RAB1A: variants seen among roughly 807,000 people sequenced by gnomAD.
RAB1A encodes RAB1A, member RAS oncogene family.
A neutral mutation model predicts 26.0 loss-of-function variants in RAB1A; 2 were observed. That is an observed-to-expected ratio of 0.08 (90% CI 0.03 to 0.24). The LOEUF (loss-of-function observed/expected upper bound fraction) is 0.24, where lower values mean the gene tolerates loss of function less well. Ranked by LOEUF, RAB1A falls within the 10% of genes least tolerant of loss-of-function variation. The probability of loss-of-function intolerance (pLI) is 1.00; values close to 1 mark genes in which losing one functional copy is unlikely to be tolerated. For synonymous variants in RAB1A, 84 were observed against 84.9 expected (o/e 0.99, Z 0.06); for missense variants, 100 against 247.0 (o/e 0.40, Z 3.99).
intron 1 of RAB1A, among the ~76,000 whole-genome samples, chr2:65,123,757 C>T (rs1418782577): frequency 1.3e-5 from 2 of 151,618 alleles, no homozygotes; most frequent in Non-Finnish European, 2.9e-5. Flanking sequence ...ACCTGGAAGG[C>T]GGAGGTTGCA....
intron 1 of RAB1A, among the ~76,000 whole-genome samples, chr2:65,126,487 T>G (rs1301936313): frequency 6.6e-6 from 1 of 152,124 alleles, no homozygotes; most frequent in Non-Finnish European, 1.5e-5. Flanking sequence ...CTACCAACTC[T>G]TATGTAAACC....
intron 1 of RAB1A, among the ~76,000 whole-genome samples, chr2:65,108,356 CAA>C (rs777981281): frequency 2.9e-4 from 15 of 51,562 alleles, no homozygotes; most frequent in Non-Finnish European, 5.4e-4. Context: ...AACTCCATCT[CAA>C]AAAAAAAAAA....
chr2:65,101,341 G>A (rs975222183), intron 2 of RAB1A, among the ~76,000 whole-genome samples: 1 of 152,076 alleles, frequency 6.6e-6, no homozygotes, highest in African/African-American at 2.4e-5. Flanking sequence ...GCAATACTGA[G>A]TGTCCAAACA....
intron 1 of RAB1A, among the ~76,000 whole-genome samples, chr2:65,123,570 A>G (rs1275255531): frequency 1.3e-5 from 2 of 152,064 alleles, no homozygotes; most frequent in African/African-American, 2.4e-5. Flanking sequence ...CGTGGCTCAC[A>G]CAAGTAATCC....
At chr2:65,128,322 C>G (rs1399883317) in intron 1 of RAB1A, among the ~76,000 whole-genome samples, 1 of 152,008 alleles carries the variant, frequency 6.6e-6, no homozygotes, top group Non-Finnish European at 1.5e-5. Context: ...CAGAAAATTT[C>G]CTGAACAGTA....
chr2:65,121,642 C>T (rs1669966262), intron 1 of RAB1A, among the ~76,000 whole-genome samples: 1 of 152,170 alleles, frequency 6.6e-6, no homozygotes, highest in South Asian at 2.1e-4. Flanking sequence ...TAATCTGCAA[C>T]ACTCCCAGGG....
intron 3 of RAB1A, among the ~76,000 whole-genome samples, chr2:65,092,843 G>A (rs1163581326): frequency 2.6e-5 from 4 of 152,178 alleles, no homozygotes; most frequent in Admixed American, 6.5e-5. Flanking sequence ...ATGGAGAAGT[G>A]ATTGGATTAT....
In RAB1A at chr2:65,121,303, T is replaced by C. The variant is rs551707857; in HGVS notation, c.23+8590A>G. 2.0e-5 allele frequency among the ~76,000 whole-genome samples: 3 copies of C among 151,222 alleles called. No homozygotes were observed. The South Asian group carries it at 6.3e-4, about 32-fold the overall frequency. On this transcript the variant is annotated intron_variant, in intron 1 of 5. Transcript: ENST00000409784. ...AGTAAGTGCTAAATAGCACCTAGTA[T>C]TATTAAAAAGTGATGTTTCCAAAAG...
At chr2:65,124,092 T>C (rs1243691107) in intron 1 of RAB1A, among the ~76,000 whole-genome samples, 2 of 151,804 alleles carry the variant, frequency 1.3e-5, no homozygotes, top group African/African-American at 4.8e-5. Context: ...ATTCAAGCGA[T>C]TCTCTTGTCT....
chr2:65,093,056 T>A (rs1478941614), intron 3 of RAB1A, among the ~76,000 whole-genome samples: 3 of 152,166 alleles, frequency 2.0e-5, no homozygotes, highest in Non-Finnish European at 2.9e-5. Context: ...ACCTTTTTTT[T>A]AATAAATCAC....
At chr2:65,105,559 T>A (rs1188898553) in intron 1 of RAB1A, among the ~76,000 whole-genome samples, 1 of 148,546 alleles carries the variant, frequency 6.7e-6, no homozygotes, top group Non-Finnish European at 1.5e-5. Flanking sequence ...TCAAATAATT[T>A]CATAGCACTC....
At chr2:65,090,405 A>G (rs940930973) in intron 4 of RAB1A, among the ~76,000 whole-genome samples, 1 of 152,190 alleles carries the variant, frequency 6.6e-6, no homozygotes, top group African/African-American at 2.4e-5. Context: ...GTAACAAAAA[A>G]AGTTATGGCC....
chr2:65,106,395 CTTA>C (rs748243332), intron 1 of RAB1A: 3 of 339,046 alleles, frequency 8.8e-6, no homozygotes, highest in Admixed American at 4.4e-5. Context: ...AGACATAAAA[CTTA>C]TTTTTTTTGT....
At chr2:65,118,945 T>C (rs774291364) in intron 1 of RAB1A, among the ~76,000 whole-genome samples, 6 of 151,922 alleles carry the variant, frequency 3.9e-5, no homozygotes, top group Admixed American at 1.3e-4. Flanking sequence ...TCCCAGCACG[T>C]TGGGAGGTCA....
chr2:65,124,649 T>C (rs746884355), intron 1 of RAB1A, among the ~76,000 whole-genome samples: 3 of 152,078 alleles, frequency 2.0e-5, no homozygotes, highest in African/African-American at 2.4e-5. Context: ...GGTTTTGCCA[T>C]GTTGGCCAGG....
At chr2:65,101,618 A>G (rs1669429118) in intron 2 of RAB1A, among the ~76,000 whole-genome samples, 1 of 151,932 alleles carries the variant, frequency 6.6e-6, no homozygotes, top group South Asian at 2.1e-4. Flanking sequence ...AATTATGCTT[A>G]ATTTTAATAT....
chr2:65,112,253 T>C, intron 1 of RAB1A, among the ~76,000 whole-genome samples: 1 of 151,432 alleles, frequency 6.6e-6, no homozygotes, highest in Non-Finnish European at 1.5e-5. Context: ...GTTCAAGCGA[T>C]TCACCTGCCT....
In RAB1A at chr2:65,093,107, T is replaced by A. The variant is rs149986094; in HGVS notation, c.193-2029A>T. Among the ~76,000 whole-genome samples, 418 of 152,282 alleles carry A rather than the reference T, an allele frequency of 2.7e-3. 1 individual carries two copies. Among genetic ancestry groups the A allele is most frequent in the African/African-American group, 9.6e-3 (397 of 41,570 alleles). Reference sequence around the variant, plus strand: ...TCCTTGTGGCAGTGTGAGAACAGAATAATACATGCACCATGCCTGGCAGAA... The same window carrying A: ...TCCTTGTGGCAGTGTGAGAACAGAAAAATACATGCACCATGCCTGGCAGAA... On this transcript the variant is annotated intron_variant, in intron 3 of 5. Coordinates refer to ENST00000409784, the MANE Select transcript of RAB1A (RefSeq NM_004161.5).
intron 2 of RAB1A, among the ~76,000 whole-genome samples, chr2:65,103,213 T>A (rs1382296327): frequency 7.0e-6 from 1 of 142,740 alleles, no homozygotes; most frequent in Non-Finnish European, 1.5e-5. Flanking sequence ...CCCAGCCACT[T>A]GGGAGGCTGA....
Sources: gnomAD v4.1 joint callset for allele counts (sites outside exome capture counted in the v4.1 genomes callset) on GRCh38, gnomAD v4.1.1 for gene constraint, MANE v1.5 for transcripts, NCBI Gene and HGNC (gene_info 2026-07-23, HGNC 2026-07-21) for gene names.